Variants in TAFA4 observed in about 807,000 individuals in gnomAD.
TAFA4 encodes chemokine-like protein TAFA-4.
In TAFA4, 20 loss-of-function variants were observed where a neutral mutation model predicts 21.1. That is an observed-to-expected ratio of 0.95 (90% confidence interval 0.67 to 1.38). TAFA4 has a LOEUF of 1.38. TAFA4 is among the 40% of genes most tolerant of loss of function. TAFA4 has a pLI of 0.00. For missense variants in TAFA4, 211 were observed against 180.9 expected (o/e 1.17, Z -0.95); for synonymous variants, 71 against 67.4 (o/e 1.05, Z -0.26).
At chr3:68,824,882 C>T (rs755395045) in intron 3 of TAFA4, among the ~76,000 whole-genome samples, 4 of 152,138 alleles carry the variant, frequency 2.6e-5, no homozygotes, top group Non-Finnish European at 4.4e-5. Context: ...TTTACGCGTA[C>T]GGGATTTTCT....
At chr3:68,759,952 G>T (rs952185254) in intron 3 of TAFA4, among the ~76,000 whole-genome samples, 1 of 152,084 alleles carries the variant, frequency 6.6e-6, no homozygotes, top group Non-Finnish European at 1.5e-5. Context: ...CATACTATGT[G>T]CCAGAGACTG....
chr3:68,734,853 AG>A (rs1702210928), intron 5 of TAFA4, among the ~76,000 whole-genome samples: 1 of 152,130 alleles, frequency 6.6e-6, no homozygotes, highest in South Asian at 2.1e-4. Context: ...TGGATCTATC[AG>A]TCTACATCCG....
intron 3 of TAFA4, among the ~76,000 whole-genome samples, chr3:68,780,269 T>G (rs1049964616): frequency 1.3e-5 from 2 of 152,218 alleles, no homozygotes; most frequent in South Asian, 2.1e-4. Flanking sequence ...CAATGGACTG[T>G]GAACTTTTGA....
intron 3 of TAFA4, among the ~76,000 whole-genome samples, chr3:68,867,319 C>T (rs1230014155): frequency 6.6e-6 from 1 of 152,060 alleles, no homozygotes; most frequent in Non-Finnish European, 1.5e-5. Context: ...GCCAAGAATA[C>T]TGCACCCAGA....
intron 1 of TAFA4, among the ~76,000 whole-genome samples, chr3:68,931,519 T>C (rs1464248963): frequency 6.6e-6 from 1 of 152,092 alleles, no homozygotes; most frequent in African/African-American, 2.4e-5. Flanking sequence ...CCGAGCTCCT[T>C]GCGTAGGGTC....
intron 3 of TAFA4, among the ~76,000 whole-genome samples, chr3:68,850,713 T>C (rs1041840963): frequency 3.5e-5 from 5 of 143,488 alleles, no homozygotes; most frequent in Non-Finnish European, 6.1e-5. Flanking sequence ...TCGTGTCCTT[T>C]GCCCATTTTT....
intron 3 of TAFA4, among the ~76,000 whole-genome samples, chr3:68,824,605 G>A (rs1332940004): frequency 6.6e-6 from 1 of 152,084 alleles, no homozygotes; most frequent in Non-Finnish European, 1.5e-5. Context: ...AGGTAAACAT[G>A]CTCATAGGTT....
At chr3:68,792,419 A>G (rs1247306166) in intron 3 of TAFA4, among the ~76,000 whole-genome samples, 8 of 152,182 alleles carry the variant, frequency 5.3e-5, no homozygotes, top group Non-Finnish European at 1.2e-4. Context: ...CTATGATTTC[A>G]TAGTCTGGGA....
At chr3:68,735,084 C>A (rs1702214760) in intron 5 of TAFA4, among the ~76,000 whole-genome samples, 1 of 152,100 alleles carries the variant, frequency 6.6e-6, no homozygotes, top group Admixed American at 6.6e-5. Flanking sequence ...TCCCATTCAT[C>A]AGGGTACCCT....
At chr3:68,835,541 T>C (rs1704503209) in intron 3 of TAFA4, among the ~76,000 whole-genome samples, 1 of 152,208 alleles carries the variant, frequency 6.6e-6, no homozygotes, top group Non-Finnish European at 1.5e-5. Flanking sequence ...CCCAAAATTG[T>C]AAAGTTATGA....
chr3:68,753,770 A>G (rs1483316748), intron 3 of TAFA4, among the ~76,000 whole-genome samples: 1 of 152,216 alleles, frequency 6.6e-6, no homozygotes, highest in Non-Finnish European at 1.5e-5. Flanking sequence ...GAGGGGCCAC[A>G]TGTCAAGGAA....
intron 3 of TAFA4, among the ~76,000 whole-genome samples, chr3:68,758,520 G>A (rs956122866): frequency 1.4e-4 from 21 of 152,098 alleles, no homozygotes; most frequent in African/African-American, 3.6e-4. Flanking sequence ...CTCCTCCTTC[G>A]CCTTCTGCCA....
At chr3:68,783,711 GAAAAAGA>G (rs1703193747) in intron 3 of TAFA4, among the ~76,000 whole-genome samples, 1 of 55,562 alleles carries the variant, frequency 1.8e-5, no homozygotes. Flanking sequence ...GAGAGAGAAA[GAAAAAGA>G]AAGAAAGAAA....
chr3:68,923,509 G>C (rs182096554), intron 1 of TAFA4, among the ~76,000 whole-genome samples: 1 of 152,046 alleles, frequency 6.6e-6, no homozygotes, highest in Non-Finnish European at 1.5e-5. Flanking sequence ...CAACTCCAAC[G>C]AGAAGCAAAA....
intron 4 of TAFA4, among the ~76,000 whole-genome samples, chr3:68,744,820 T>C (rs531290661): frequency 6.6e-6 from 1 of 152,338 alleles, no homozygotes; most frequent in South Asian, 2.1e-4. Context: ...TGAGATTATC[T>C]ACCAGGTTTT....
At chr3:68,743,566 ACT>A (rs1297214786) in intron 4 of TAFA4, among the ~76,000 whole-genome samples, 4 of 135,998 alleles carry the variant, frequency 2.9e-5, no homozygotes, top group Non-Finnish European at 6.1e-5. Flanking sequence ...ACAGAGCAAG[ACT>A]CTGTCTCAAA....
intron 5 of TAFA4, among the ~76,000 whole-genome samples, chr3:68,736,204 C>G (rs917240549): frequency 6.6e-6 from 1 of 151,762 alleles, no homozygotes; most frequent in Non-Finnish European, 1.5e-5. Context: ...AATGGCAACC[C>G]CAGATAGTAA....
intron 1 of TAFA4, among the ~76,000 whole-genome samples, chr3:68,931,740 G>C (rs554559770): frequency 6.0e-4 from 80 of 132,370 alleles, no homozygotes; most frequent in African/African-American, 2.1e-3. Flanking sequence ...CGCCCTTCAA[G>C]CAAGATCCTA....
At chr3:68,853,778 A>G (rs1705002563) in intron 3 of TAFA4, among the ~76,000 whole-genome samples, 1 of 152,202 alleles carries the variant, frequency 6.6e-6, no homozygotes, top group African/African-American at 2.4e-5. Context: ...TGGATCCTCC[A>G]CTTACTATCT....
Sources: allele counts gnomAD v4.1 joint callset (sites outside exome capture counted in the v4.1 genomes callset), GRCh38; gene constraint gnomAD v4.1.1; transcripts MANE v1.5; gene names NCBI Gene and HGNC (gene_info 2026-07-23, HGNC 2026-07-21).